The following CDH4 variants were observed in gnomAD, a reference collection of about 807,000 sequenced individuals.
The protein encoded by CDH4 is cadherin-4.
Under a neutral mutation model 86.0 loss-of-function variants are expected in CDH4, and 33 were observed. That is an observed-to-expected ratio of 0.38 (90% CI 0.29 to 0.51). The LOEUF (loss-of-function observed/expected upper bound fraction) is 0.51, where lower values mean the gene tolerates loss of function less well. Among genes scored for constraint, CDH4 ranks in the 20% least tolerant of loss-of-function variants. CDH4 has a pLI of 0.86. For missense variants in CDH4, 1,114 were observed against 1,307.4 expected, an observed-to-expected ratio of 0.85 and a Z score of 2.28; for synonymous variants, 555 against 549.4, an observed-to-expected ratio of 1.01 and a Z score of -0.14.
rs1339787263 is a variant in CDH4, at chr20:61,829,752, C to T, written c.577-14916C>T. ...GCAGACGGGTGGGTGACTGTGGGAC[C>T]CTTGCTCAGCCTCCAGCTTTGGGGC... is the stretch of plus-strand genomic sequence containing the variant. On this transcript the variant is annotated intron_variant, in intron 4 of 15. Coordinates refer to ENST00000614565, the MANE Select transcript of CDH4 (RefSeq NM_001794.5). This position sits in a 1 kb window ranked among gnomAD's most constrained non-coding sequence, Gnocchi z 4.2. Among the ~76,000 whole-genome samples the T allele has an allele frequency of 3.3e-5, 5 of 152,108 alleles. No individual in the cohort carries two copies. Among genetic ancestry groups the T allele is most frequent in the South Asian group, 2.1e-4 (1 of 4,826 alleles).
intron 2 of CDH4, among the ~76,000 whole-genome samples, chr20:61,361,880 A>G (rs1404713435): frequency 6.6e-6 from 1 of 152,200 alleles, no homozygotes; most frequent in African/African-American, 2.4e-5. Flanking sequence ...TTCCAGACCC[A>G]GGGGATCAGC....
At chr20:61,798,470 C>T (rs566924790) in intron 4 of CDH4, among the ~76,000 whole-genome samples, 2 of 152,326 alleles carry the variant, frequency 1.3e-5, no homozygotes, top group South Asian at 2.1e-4. Flanking sequence ...AGCGTGGCCC[C>T]GGGGTGCATC....
At chr20:61,647,525 T>TCTC (rs1444445171) in intron 2 of CDH4, among the ~76,000 whole-genome samples, 3 of 69,852 alleles carry the variant, frequency 4.3e-5, no homozygotes, top group African/African-American at 1.1e-4. Context: ...CACACACATA[T>TCTC]TCTCTCTCCC....
intron 2 of CDH4, among the ~76,000 whole-genome samples, chr20:61,388,320 T>C (rs988433941): frequency 6.6e-6 from 1 of 152,102 alleles, no homozygotes; most frequent in Non-Finnish European, 1.5e-5. Context: ...CTTTTCGCCT[T>C]TCCTGGAAGA....
chr20:61,565,194 T>TGCTATTGTTGTTGCTGTTCTCTGTGA (rs1568688320), intron 2 of CDH4, among the ~76,000 whole-genome samples: 1 of 52,224 alleles, frequency 1.9e-5, no homozygotes, highest in Non-Finnish European at 3.8e-5. Flanking sequence ...GTGGTCCTCT[T>TGCTATTGTTGTTGCTGTTCTCTGTGA]GGTGGTGGTC....
intron 2 of CDH4, among the ~76,000 whole-genome samples, chr20:61,649,129 G>A (rs2087095033): frequency 6.6e-6 from 1 of 152,220 alleles, no homozygotes; most frequent in African/African-American, 2.4e-5. Context: ...ACTAATTCCA[G>A]CCCTGTTCAA....
intron 2 of CDH4, among the ~76,000 whole-genome samples, chr20:61,376,400 C>T (rs1419343590): frequency 1.3e-5 from 2 of 152,064 alleles, no homozygotes; most frequent in African/African-American, 4.8e-5. Flanking sequence ...TGGAGAAAGC[C>T]AGGCTCTGGC....
At chr20:61,813,570 T>A (rs1980550380) in intron 4 of CDH4, among the ~76,000 whole-genome samples, 1 of 152,106 alleles carries the variant, frequency 6.6e-6, no homozygotes, top group Admixed American at 6.5e-5. Context: ...AAGCATCGCA[T>A]CCCCAGCTTC....
intron 8 of CDH4, among the ~76,000 whole-genome samples, chr20:61,903,130 A>G (rs2054747993): frequency 6.6e-6 from 1 of 151,984 alleles, no homozygotes; most frequent in Non-Finnish European, 1.5e-5. Context: ...ATGTTTGCAC[A>G]TTCATTCATT....
chr20:61,864,468 C>A (rs958837249), intron 6 of CDH4, among the ~76,000 whole-genome samples: 4 of 150,806 alleles, frequency 2.7e-5, no homozygotes, highest in African/African-American at 7.4e-5. Context: ...CAGCACATGC[C>A]CCCAGAAACA....
chr20:61,334,122 A>T (rs1000787182), intron 2 of CDH4, among the ~76,000 whole-genome samples: 1 of 152,170 alleles, frequency 6.6e-6, no homozygotes, highest in Admixed American at 6.5e-5. Context: ...TGACCACAGT[A>T]AGCCTCTGGG....
At chr20:61,800,924 C>T (rs564320414) in intron 4 of CDH4, among the ~76,000 whole-genome samples, 12 of 152,342 alleles carry the variant, frequency 7.9e-5, no homozygotes, top group African/African-American at 2.9e-4. Context: ...GGCCCATCTG[C>T]GCCACACATA....
At chr20:61,449,773 C>T (rs879483897) in intron 2 of CDH4, among the ~76,000 whole-genome samples, 4 of 152,194 alleles carry the variant, frequency 2.6e-5, no homozygotes, top group Non-Finnish European at 5.9e-5. Context: ...TGGTTTTCTC[C>T]TCAATGTACC....
intron 2 of CDH4, among the ~76,000 whole-genome samples, chr20:61,398,841 G>A (rs2145476779): frequency 6.6e-6 from 1 of 152,262 alleles, no homozygotes; most frequent in South Asian, 2.1e-4. Flanking sequence ...CCTTTCTCAG[G>A]CCAGCAGGTG....
chr20:61,761,487 G>C (rs986965303), intron 3 of CDH4, among the ~76,000 whole-genome samples: 16 of 152,094 alleles, frequency 1.1e-4, no homozygotes, highest in Admixed American at 5.2e-4. Flanking sequence ...CTAAGACGTG[G>C]TGTGTGTGTG....
rs763918382 is a variant in CDH4 at position 61,652,938 on chromosome 20, A to ATTTTT, written c.170-90612_170-90608dup. 2.1e-4 allele frequency among the ~76,000 whole-genome samples: 20 copies of ATTTTT among 97,430 alleles called. 1 individual carries two copies. The highest frequency in any genetic ancestry group is 3.5e-4 in the Non-Finnish European group (15 of 42,426). The allele number at this position is 97,430 out of a possible 152,430, so 63.9% of individuals were successfully genotyped here. A position where few individuals can be genotyped will look rare whatever the true frequency, so the allele number is the denominator to read the frequency against. On this transcript the variant is annotated intron_variant, in intron 2 of 15. Coordinates refer to ENST00000614565, the MANE Select transcript of CDH4 (RefSeq NM_001794.5). The stretch of plus-strand genomic sequence containing the variant: ...TTTGAATTTATTTATTTATTTATTT[A>ATTTTT]TTTTTTTTTTTTTTTTTATTGATCA...
chr20:61,545,561 T>C (rs1158480974), intron 2 of CDH4, among the ~76,000 whole-genome samples: 1 of 152,238 alleles, frequency 6.6e-6, no homozygotes, highest in Non-Finnish European at 1.5e-5. Context: ...GAAAAGCTAC[T>C]GCTGACGTGG....
At chr20:61,444,643 G>A (rs1201709144) in intron 2 of CDH4, among the ~76,000 whole-genome samples, 1 of 146,028 alleles carries the variant, frequency 6.8e-6, no homozygotes, top group East Asian at 2.0e-4. Context: ...GTGTGTTTCT[G>A]CGTGTGTGTT....
Position 61,709,026 on chromosome 20 carries a change from G to A in CDH4, c.170-34537G>A, listed in dbSNP as rs2087862179. ...CGAAGGACCTCAGGCTACACGGGCA[G>A]TGGGGCTGCGGCCCAGCTCAGGCCT... On this transcript the variant is annotated intron_variant, in intron 2 of 15. Coordinates refer to ENST00000614565, the MANE Select transcript of CDH4 (RefSeq NM_001794.5). This position sits in a 1 kb window ranked among gnomAD's most constrained non-coding sequence, Gnocchi z 4.8. Among the ~76,000 whole-genome samples the A allele has an allele frequency of 6.6e-6, 1 of 152,260 alleles. No individual in the cohort carries two copies. Among genetic ancestry groups the A allele is most frequent in the Non-Finnish European group, 1.5e-5 (1 of 68,056 alleles).
Sources: allele counts gnomAD v4.1 joint callset (sites outside exome capture counted in the v4.1 genomes callset), GRCh38; gene constraint gnomAD v4.1.1; non-coding constraint Gnocchi (gnomAD v3.1); transcripts MANE v1.5; gene names NCBI Gene and HGNC (gene_info 2026-07-23, HGNC 2026-07-21).